The following PHEX variants were observed in gnomAD, a reference collection of about 807,000 sequenced individuals.
The protein encoded by PHEX is phosphate regulating endopeptidase X-linked, also known as phosphate-regulating neutral endopeptidase PHEX.
A neutral mutation model predicts 68.0 loss-of-function variants in PHEX; 16 were observed. The ratio of observed to expected loss-of-function variants is 0.24; its 90% CI spans 0.16 to 0.36. PHEX has a LOEUF of 0.36. Among genes scored for constraint, PHEX ranks in the 10% least tolerant of loss-of-function variants. The pLI is 1.00. For missense variants in PHEX, 480 were observed against 575.5 expected, an observed-to-expected ratio of 0.83 and a Z score of 1.70; for synonymous variants, 208 against 205.1, an observed-to-expected ratio of 1.01 and a Z score of -0.12.
intron 2 of PHEX, among the ~76,000 whole-genome samples, chrX:22,043,606 C>T (rs994349856): frequency 9.0e-6 from 1 of 111,232 alleles, no homozygotes; most frequent in Non-Finnish European, 1.9e-5. Flanking sequence ...AAGGGCTTAG[C>T]GTAGGTCCTG....
intron 14 of PHEX, 70 bp downstream of exon 14, chrX:22,178,446 C>T (rs1395064240): frequency 3.2e-6 from 2 of 631,578 alleles, no homozygotes; most frequent in Non-Finnish European, 5.0e-6. Context: ...TTAGATTAAA[C>T]TTTGTAATTC....
At chrX:22,194,922 G>A (rs1169888165) in intron 15 of PHEX, among the ~76,000 whole-genome samples, 2 of 112,412 alleles carry the variant, frequency 1.8e-5, no homozygotes, top group African/African-American at 6.5e-5. Flanking sequence ...TGAATAAGGT[G>A]GTTAAAGAGG....
At chrX:22,065,360 G>A (rs751044165) in intron 3 of PHEX, among the ~76,000 whole-genome samples, 3 of 112,028 alleles carry the variant, frequency 2.7e-5, no homozygotes, top group African/African-American at 6.5e-5. Context: ...ATTAAGTTCC[G>A]AATTGAACTG....
intron 5 of PHEX, among the ~76,000 whole-genome samples, chrX:22,078,083 G>T (rs753419762): frequency 8.9e-6 from 1 of 112,108 alleles, no homozygotes; most frequent in Admixed American, 9.4e-5. Context: ...GAGAAAACAC[G>T]TGCCATGATT....
chrX:22,219,180 C>G (rs1042230258), intron 17 of PHEX, 77 bp downstream of exon 17: 3 of 679,263 alleles, frequency 4.4e-6, no homozygotes, highest in Non-Finnish European at 7.2e-6. Flanking sequence ...TTATGATTAT[C>G]TTTGCATAGC....
At chrX:22,069,829 G>T (rs1928813308) in intron 3 of PHEX, among the ~76,000 whole-genome samples, 1 of 111,739 alleles carries the variant, frequency 8.9e-6, no homozygotes, top group Admixed American at 9.6e-5. Flanking sequence ...CACAATTCGT[G>T]TGAAAATATA....
intron 12 of PHEX, among the ~76,000 whole-genome samples, chrX:22,156,336 G>A (rs921143995): frequency 1.8e-5 from 2 of 110,082 alleles, no homozygotes; most frequent in African/African-American, 6.6e-5. Flanking sequence ...GGTGAGAGGA[G>A]TTATTTTCCC....
intron 12 of PHEX, among the ~76,000 whole-genome samples, chrX:22,155,039 G>A (rs1311655694): frequency 8.9e-6 from 1 of 112,296 alleles, no homozygotes; most frequent in Non-Finnish European, 1.9e-5. Flanking sequence ...AGCCTCCCAC[G>A]TAGCTGGGAT....
At chrX:22,087,778 G>A (rs1360190248) in intron 5 of PHEX, among the ~76,000 whole-genome samples, 1 of 111,784 alleles carries the variant, frequency 8.9e-6, no homozygotes, top group African/African-American at 3.2e-5. Flanking sequence ...AATGTTTAAT[G>A]TGTGAATTAG....
Position 22,234,823 on chromosome X carries a change from A to AAAAAAAAACC in PHEX, c.2070+7220_2070+7221insCCAAAAAAAA, listed in dbSNP as rs753735651. 5.3e-3 allele frequency among the ~76,000 whole-genome samples: 567 copies of AAAAAAAAACC among 107,771 alleles called. 8 individuals are homozygous for AAAAAAAAACC. Among genetic ancestry groups the AAAAAAAAACC allele is most frequent in the African/African-American group, 0.018 (546 of 29,587 alleles). The allele number at this position is 107,771 out of a possible 115,157, so 93.6% of individuals were successfully genotyped here. On this transcript the variant is annotated intron_variant, in intron 20 of 21. Coordinates refer to ENST00000379374, the MANE Select transcript of PHEX (RefSeq NM_000444.6). Reference sequence around the variant, plus strand: ...TCCCAGCACCAGTGGGGTATCAAAAAAAAAAAAAACCACACACACACACAC... The same window carrying AAAAAAAAACC: ...TCCCAGCACCAGTGGGGTATCAAAAAAAAAAAAACCAAAAAAAAACCACACACACACACAC...
chrX:22,108,013 A>G (rs1256914011), intron 9 of PHEX, among the ~76,000 whole-genome samples: 1 of 112,127 alleles, frequency 8.9e-6, no homozygotes, highest in Non-Finnish European at 1.9e-5. Context: ...TGAGTTCTCT[A>G]ACTGTAGGTG....
At position 22,247,803 on chromosome X, in the gene PHEX, T is replaced by G. The variant is rs186950858; in HGVS notation, c.2148-48T>G. ...TGCTACAGTTTTATACAGAACCTGT[T>G]GATGTGCAAGAATTATATGACATAT... On this transcript the variant is annotated intron_variant, in intron 21 of 21. Transcript: ENST00000379374. The G allele has an allele frequency of 6.5e-3, 5,667 of 868,752 alleles. 25 individuals carry two copies. The highest frequency in any genetic ancestry group is 0.023 in the South Asian group (1,142 of 49,804). 71.6% of individuals were successfully genotyped at this position (868,752 alleles called of 1,213,427 possible).
chrX:22,232,893 G>A (rs1935817755), intron 20 of PHEX, among the ~76,000 whole-genome samples: 1 of 110,369 alleles, frequency 9.1e-6, no homozygotes, highest in South Asian at 3.9e-4. Context: ...TCATAGTGTT[G>A]ATGGTCTTTC....
chrX:22,186,162 A>C (rs2147135023), intron 14 of PHEX, among the ~76,000 whole-genome samples: 1 of 111,971 alleles, frequency 8.9e-6, no homozygotes, highest in South Asian at 3.8e-4. Flanking sequence ...TGTTGACTAG[A>C]ACATCTACAT....
At chrX:22,065,120 T>A (rs1397537273) in intron 3 of PHEX, among the ~76,000 whole-genome samples, 1 of 112,656 alleles carries the variant, frequency 8.9e-6, no homozygotes, top group Non-Finnish European at 1.9e-5. Context: ...TATGTTTGTT[T>A]GGAAAGCCTC....
intron 5 of PHEX, among the ~76,000 whole-genome samples, chrX:22,086,467 A>G: frequency 8.9e-6 from 1 of 112,265 alleles, no homozygotes; most frequent in Admixed American, 9.5e-5. Context: ...CAGTGTAGAA[A>G]CTATGAGTCA....
At chrX:22,241,893 T>C (rs80316853) in intron 20 of PHEX, among the ~76,000 whole-genome samples, 1 of 111,812 alleles carries the variant, frequency 8.9e-6, no homozygotes, top group African/African-American at 3.3e-5. Context: ...TTCCAAACAA[T>C]AGAAAGAGAG....
chrX:22,197,234 A>G (rs1288707034), intron 15 of PHEX, among the ~76,000 whole-genome samples: 1 of 110,536 alleles, frequency 9.0e-6, no homozygotes. Context: ...TTTTTTTTCC[A>G]CTTATTCACT....
intron 2 of PHEX, among the ~76,000 whole-genome samples, chrX:22,044,417 A>T: frequency 8.9e-6 from 1 of 111,928 alleles, no homozygotes; most frequent in African/African-American, 3.2e-5. Context: ...ATGATAAAAT[A>T]GTAGCAGTAA....
Sources: gnomAD v4.1 joint callset for allele counts (sites outside exome capture counted in the v4.1 genomes callset) on GRCh38, gnomAD v4.1.1 for gene constraint, MANE v1.5 for transcripts, NCBI Gene and HGNC (gene_info 2026-07-23, HGNC 2026-07-21) for gene names.